Variants in ORC4 observed in about 807,000 individuals in gnomAD.
ORC4 encodes the protein origin recognition complex subunit 4.
ORC4 carries 55 observed loss-of-function variants against 63.9 expected under a neutral mutation model. The observed-to-expected ratio is 0.86, with a 90% CI of 0.69 to 1.08. The LOEUF (loss-of-function observed/expected upper bound fraction) is 1.08. Among genes scored for constraint, ORC4 ranks in the 50% least tolerant of loss-of-function variants. The probability of loss-of-function intolerance (pLI) is 0.00; values close to 1 mark genes in which losing one functional copy is unlikely to be tolerated. For synonymous variants in ORC4, 150 were observed against 168.5 expected (o/e 0.89, Z 0.85); for missense variants, 511 against 504.4 (o/e 1.01, Z -0.13).
intron 6 of ORC4, among the ~76,000 whole-genome samples, chr2:147,955,972 T>C (rs561565232): frequency 6.6e-6 from 1 of 152,100 alleles, no homozygotes; most frequent in Non-Finnish European, 1.5e-5. Context: ...CTATGTTTAC[T>C]TGGAATATAG....
chr2:147,947,121 T>C (rs1688701049), intron 9 of ORC4, among the ~76,000 whole-genome samples: 1 of 152,016 alleles, frequency 6.6e-6, no homozygotes, highest in African/African-American at 2.4e-5. Context: ...TCTACCACTA[T>C]TGCTTTAAAA....
Position 147,985,200 on chromosome 2 carries a change from T to C in ORC4, c.-17-9225A>G, listed in dbSNP as rs993204595. 4.6e-5 allele frequency among the ~76,000 whole-genome samples: 7 copies of C among 152,002 alleles called. No homozygotes were observed. In the South Asian group the frequency reaches 1.5e-3, roughly 32 times the overall value. ...TTCAGTAAACTCTCTGTTTTTTTTG[T>C]TTTTTTGTTTTTTTGAGACAGAGTC... is the stretch of plus-strand genomic sequence containing the variant. On this transcript the variant is annotated intron_variant, in intron 1 of 13. Transcript: ENST00000392857.
At chr2:147,946,330 A>C (rs551368225) in intron 9 of ORC4, among the ~76,000 whole-genome samples, 72 of 152,186 alleles carry the variant, frequency 4.7e-4, no homozygotes, top group African/African-American at 1.7e-3. Flanking sequence ...CAGACATTTA[A>C]ATACTATGAA....
intron 1 of ORC4, among the ~76,000 whole-genome samples, chr2:147,976,898 A>AT (rs1690591290): frequency 1.3e-5 from 2 of 149,226 alleles, no homozygotes; most frequent in East Asian, 1.9e-4. Context: ...AAAAAATTAT[A>AT]TTTTTTGTAA....
intron 4 of ORC4, among the ~76,000 whole-genome samples, chr2:147,968,389 T>C (rs1248434156): frequency 6.6e-6 from 1 of 152,064 alleles, no homozygotes; most frequent in Non-Finnish European, 1.5e-5. Flanking sequence ...CTGCAAAGTA[T>C]TCATCTCATA....
At chr2:147,963,011 T>C (rs936737371) in intron 4 of ORC4, among the ~76,000 whole-genome samples, 9 of 152,082 alleles carry the variant, frequency 5.9e-5, no homozygotes, top group African/African-American at 2.2e-4. Context: ...TGTGAACACA[T>C]ACTAGGCCTG....
intron 1 of ORC4, among the ~76,000 whole-genome samples, chr2:147,985,463 T>A (rs1691148346): frequency 6.6e-6 from 1 of 152,242 alleles, no homozygotes. Context: ...CCCAAGGTGC[T>A]GGGATTACAG....
At chr2:147,987,409 CACAA>C (rs1195652449) in intron 1 of ORC4, among the ~76,000 whole-genome samples, 5 of 147,530 alleles carry the variant, frequency 3.4e-5, no homozygotes, top group East Asian at 4.0e-4. Context: ...CACACACACA[CACAA>C]AAAGTAACAT....
At chr2:147,989,324 A>T (rs1298844983) in intron 1 of ORC4, among the ~76,000 whole-genome samples, 1 of 152,140 alleles carries the variant, frequency 6.6e-6, no homozygotes, top group Non-Finnish European at 1.5e-5. Flanking sequence ...CATACTACTC[A>T]CATCTCTCTG....
At chr2:147,999,046 T>C (rs1692143802) in intron 1 of ORC4, among the ~76,000 whole-genome samples, 1 of 152,214 alleles carries the variant, frequency 6.6e-6, no homozygotes, top group Non-Finnish European at 1.5e-5. Context: ...TACAAAGCCA[T>C]CCAGTCTCGT....
In ORC4 at chr2:147,932,353, T is replaced by A. The variant is rs928045430; in HGVS notation, c.*3157A>T. Reference sequence around the variant, plus strand: ...ATTCCATGCTCTTGGGTAGGAAGAATCAATATTGTGAAAATGGCCATACTG... The same window carrying A: ...ATTCCATGCTCTTGGGTAGGAAGAAACAATATTGTGAAAATGGCCATACTG... On this transcript the variant is annotated 3_prime_UTR_variant, in exon 14 of 14. Coordinates refer to ENST00000392857, the MANE Select transcript of ORC4 (RefSeq NM_181741.4). The A allele has an allele frequency of 1.3e-5, 2 of 152,096 alleles. No individual in the cohort carries two copies. Among genetic ancestry groups the A allele is most frequent in the African/African-American group, 4.8e-5 (2 of 41,404 alleles). 9.4% of individuals were successfully genotyped at this position (152,096 alleles called of 1,614,324 possible). A position where few individuals can be genotyped will look rare whatever the true frequency, so the allele number is the denominator to read the frequency against.
At position 147,935,628 on chromosome 2, in the gene ORC4, T is replaced by C. The variant is rs188591859; in HGVS notation, c.1193A>G (p.Glu398Gly). 3.1e-6 allele frequency: 5 copies of C among 1,613,586 alleles called. No individual in the cohort carries two copies. The African/African-American group carries it at 4.0e-5, about 13-fold the overall frequency. Residue 398 changes from glutamate to glycine, a missense_variant, in exon 14 of 14, where the codon GAG (glutamate) becomes GGG (glycine). By Grantham distance (98) the Glu-to-Gly change is moderately conservative (BLOSUM62 -2). Transcript: ENST00000392857. ...CAAAAGCAGTTTCATCAGCTGGTAC[T>C]CTCTCTGTGAATTTCCTGAAGTTCT... ...MERTSGNSQR[E>G]YQLMKLLLDN... is the part of the protein sequence containing the mutation.
Position 147,931,942 on chromosome 2 carries a change from G to A in ORC4, c.*3568C>T, listed in dbSNP as rs1573728377. ...CACCACTCGTATTCAACATAGTGTT[G>A]GAAGTTCTGGCCAGGGCAATTAGGC... On this transcript the variant is annotated 3_prime_UTR_variant, in exon 14 of 14. Coordinates refer to ENST00000392857, the MANE Select transcript of ORC4 (RefSeq NM_181741.4). The A allele has an allele frequency of 6.6e-6, 1 of 151,912 alleles. No homozygotes were observed. Among genetic ancestry groups the A allele is most frequent in the Middle Eastern group, 3.4e-3 (1 of 294 alleles). 9.4% of individuals were successfully genotyped at this position (151,912 alleles called of 1,614,324 possible).
intron 1 of ORC4, among the ~76,000 whole-genome samples, chr2:147,997,594 TATG>T (rs905745223): frequency 1.6e-4 from 25 of 152,156 alleles, no homozygotes; most frequent in African/African-American, 6.0e-4. Flanking sequence ...ACATGTTATC[TATG>T]ATTATTTCTT....
chr2:147,984,065 C>G (rs1691050105), intron 1 of ORC4, among the ~76,000 whole-genome samples: 2 of 152,156 alleles, frequency 1.3e-5, no homozygotes, highest in Admixed American at 6.5e-5. Context: ...GTACTGGAAT[C>G]AAAGCAAATG....
At chr2:148,000,151 A>C (rs1269312580) in intron 1 of ORC4, among the ~76,000 whole-genome samples, 1 of 152,004 alleles carries the variant, frequency 6.6e-6, no homozygotes, top group African/African-American at 2.4e-5. Context: ...AAAGGCAAGA[A>C]AATTAAAGAA....
At chr2:147,957,238 A>G (rs1689311296) in intron 6 of ORC4, among the ~76,000 whole-genome samples, 1 of 147,208 alleles carries the variant, frequency 6.8e-6, no homozygotes, top group Non-Finnish European at 1.5e-5. Flanking sequence ...ATATAATTAT[A>G]TAATTAATAA....
intron 8 of ORC4, among the ~76,000 whole-genome samples, chr2:147,949,968 T>C (rs536064864): frequency 5.6e-4 from 85 of 152,214 alleles, no homozygotes; most frequent in African/African-American, 1.9e-3. Context: ...AATCATGATA[T>C]AGAGGAAAGA....
Position 147,975,938 on chromosome 2 carries a change from C to T in ORC4, c.21G>A (p.Lys7=), listed in dbSNP as rs375295590. MSSRKS[K]SNSLIHTECL... ...ACTCTGTGTGAATTAAGCTGTTACTCTTTGATTTACGACTGCTCATTTCAA... is the reference window on the plus strand; with the variant it reads ...ACTCTGTGTGAATTAAGCTGTTACTTTTTGATTTACGACTGCTCATTTCAA... The change falls in exon 2 of 14, where the codon AAG becomes AAA. Residue 7 remains lysine (K), a synonymous_variant. Transcript: ENST00000392857. 1.3e-6 allele frequency: 2 copies of T among 1,593,590 alleles called. No homozygotes were observed. Among genetic ancestry groups the T allele is most frequent in the Non-Finnish European group, 1.7e-6 (2 of 1,162,496 alleles).
Sources: gnomAD v4.1 joint callset for allele counts (sites outside exome capture counted in the v4.1 genomes callset) on GRCh38, gnomAD v4.1.1 for gene constraint, MANE v1.5 for transcripts, NCBI Gene and HGNC (gene_info 2026-07-23, HGNC 2026-07-21) for gene names.